The following GRIK2 variants were observed in gnomAD, a reference collection of about 807,000 sequenced individuals.
The protein encoded by GRIK2 is glutamate ionotropic receptor kainate type subunit 2.
GRIK2 carries 32 observed loss-of-function variants against 100.3 expected under a neutral mutation model. That is an observed-to-expected ratio of 0.32 (90% CI 0.24 to 0.43). The LOEUF is 0.43. Among genes scored for constraint, GRIK2 ranks in the 20% least tolerant of loss-of-function variants. The pLI, the probability that GRIK2 is intolerant of heterozygous loss-of-function variation, is 1.00. For synonymous variants in GRIK2, 417 were observed against 389.4 expected (o/e 1.07, Z -0.83); for missense variants, 843 against 1,114.9 (o/e 0.76, Z 3.47).
At chr6:101,681,656 CTTCT>C (rs903121717) in intron 5 of GRIK2, among the ~76,000 whole-genome samples, 9 of 151,918 alleles carry the variant, frequency 5.9e-5, no homozygotes, top group Admixed American at 2.0e-4. Context: ...GATCTTATTC[CTTCT>C]ATTTTTTAAC....
At chr6:101,482,219 T>C (rs973319170) in intron 2 of GRIK2, among the ~76,000 whole-genome samples, 1 of 152,236 alleles carries the variant, frequency 6.6e-6, no homozygotes, top group Non-Finnish European at 1.5e-5. Context: ...CTTAGATTCA[T>C]TCCGGCAACA....
intron 14 of GRIK2, among the ~76,000 whole-genome samples, chr6:101,931,495 C>T (rs1790283088): frequency 6.6e-6 from 1 of 152,040 alleles, no homozygotes; most frequent in Non-Finnish European, 1.5e-5. Flanking sequence ...AGAGCTGGCT[C>T]CAGATATCTG....
intron 16 of GRIK2, chr6:102,065,921 A>G: frequency 7.1e-7 from 1 of 1,400,474 alleles, no homozygotes; most frequent in South Asian, 1.6e-5. Context: ...TAATAAGTAC[A>G]TCTAATAGTA....
At chr6:102,034,149 C>T (rs753019837) in intron 14 of GRIK2, among the ~76,000 whole-genome samples, 14 of 151,266 alleles carry the variant, frequency 9.3e-5, no homozygotes, top group Non-Finnish European at 5.9e-5. Context: ...CATTTCTACC[C>T]GGTCTTAGCC....
chr6:102,015,947 C>T (rs1283691862), intron 14 of GRIK2, among the ~76,000 whole-genome samples: 2 of 152,070 alleles, frequency 1.3e-5, no homozygotes, highest in Admixed American at 1.3e-4. Context: ...CTGAACCCAC[C>T]TTATATCACA....
intron 4 of GRIK2, among the ~76,000 whole-genome samples, chr6:101,659,511 T>C (rs763873288): frequency 2.0e-5 from 3 of 152,196 alleles, no homozygotes; most frequent in Admixed American, 6.6e-5. Flanking sequence ...GATCTCGTCA[T>C]TATGATGTTA....
At chr6:101,556,996 A>C (rs910261875) in intron 2 of GRIK2, among the ~76,000 whole-genome samples, 3 of 151,628 alleles carry the variant, frequency 2.0e-5, no homozygotes, top group African/African-American at 7.3e-5. Flanking sequence ...TTTTTACTTC[A>C]CATCACTGTT....
Position 101,535,328 on chromosome 6 carries a change from C to T in GRIK2, c.116-86621C>T, listed in dbSNP as rs562022562. Among the ~76,000 whole-genome samples, 16 of 151,748 alleles carry T rather than the reference C, an allele frequency of 1.1e-4. No individual in the cohort carries two copies. The South Asian group carries it at 1.9e-3, about 18-fold the overall frequency. ...GATTACATCAGTATGGTAGCAATAT[C>T]GTACTTGTCAACTAACAGAATATAA... On this transcript the variant is annotated intron_variant, in intron 2 of 16. Transcript: ENST00000369134.
chr6:101,948,551 T>C (rs1312680884), intron 14 of GRIK2, among the ~76,000 whole-genome samples: 1 of 148,478 alleles, frequency 6.7e-6, no homozygotes, highest in African/African-American at 2.4e-5. Flanking sequence ...TTTTATATAG[T>C]TATATATATA....
chr6:102,057,487 T>G (rs1176060561), intron 16 of GRIK2, among the ~76,000 whole-genome samples: 5 of 152,004 alleles, frequency 3.3e-5, no homozygotes, highest in Non-Finnish European at 7.4e-5. Flanking sequence ...TCTCTTGACA[T>G]TCTATGGATC....
intron 7 of GRIK2, among the ~76,000 whole-genome samples, chr6:101,725,565 T>G (rs550901884): frequency 2.3e-4 from 35 of 152,208 alleles, no homozygotes; most frequent in African/African-American, 7.9e-4. Context: ...GAAGACATTT[T>G]TCTTTTATGT....
intron 7 of GRIK2, among the ~76,000 whole-genome samples, chr6:101,730,899 A>G (rs1775220979): frequency 6.6e-6 from 1 of 151,896 alleles, no homozygotes; most frequent in Admixed American, 6.6e-5. Context: ...GAGAGGGGAA[A>G]GAGTTGTTTT....
chr6:101,540,488 T>C (rs2128288265), intron 2 of GRIK2, among the ~76,000 whole-genome samples: 1 of 151,972 alleles, frequency 6.6e-6, no homozygotes, highest in African/African-American at 2.4e-5. Flanking sequence ...CATGCCTGAA[T>C]CAAAACATCT....
chr6:102,064,077 T>G, intron 16 of GRIK2: 1 of 966,108 alleles, frequency 1.0e-6, no homozygotes, highest in South Asian at 1.4e-5. Flanking sequence ...TTCTTTTTTC[T>G]TTTTGTAGTC....
chr6:101,864,879 A>G (rs1207236718), intron 11 of GRIK2, among the ~76,000 whole-genome samples: 3 of 152,192 alleles, frequency 2.0e-5, no homozygotes, highest in Non-Finnish European at 4.4e-5. Flanking sequence ...TTACCCCATT[A>G]GAATTGTGTG....
At chr6:101,536,765 T>A (rs1436287630) in intron 2 of GRIK2, among the ~76,000 whole-genome samples, 2 of 151,742 alleles carry the variant, frequency 1.3e-5, no homozygotes, top group African/African-American at 4.8e-5. Context: ...TTATCAAAAT[T>A]TTCCTTCAGT....
chr6:101,802,503 C>T (rs949930642), intron 9 of GRIK2, 65 bp downstream of exon 9: 11 of 626,234 alleles, frequency 1.8e-5, no homozygotes, highest in Non-Finnish European at 3.0e-5. Flanking sequence ...GACAAATATT[C>T]TCTGTTGTAG....
chr6:101,857,119 G>C (rs566542582), intron 10 of GRIK2, among the ~76,000 whole-genome samples: 1 of 152,178 alleles, frequency 6.6e-6, no homozygotes, highest in Admixed American at 6.5e-5. Flanking sequence ...CAAGGCAGGG[G>C]AAAAAATGGT....
intron 2 of GRIK2, among the ~76,000 whole-genome samples, chr6:101,411,034 A>G (rs1775863775): frequency 6.6e-6 from 1 of 152,052 alleles, no homozygotes; most frequent in African/African-American, 2.4e-5. Context: ...ATGTTGGAAT[A>G]TATGAAGAAT....
Sources: allele counts gnomAD v4.1 joint callset (sites outside exome capture counted in the v4.1 genomes callset), GRCh38; gene constraint gnomAD v4.1.1; transcripts MANE v1.5; gene names NCBI Gene and HGNC (gene_info 2026-07-23, HGNC 2026-07-21).